Variants in DDX60L observed in about 807,000 individuals in gnomAD.
DDX60L encodes the protein probable ATP-dependent RNA helicase DDX60-like.
Under a neutral mutation model 211.6 loss-of-function variants are expected in DDX60L, and 191 were observed. The ratio of observed to expected loss-of-function variants is 0.90; its 90% CI spans 0.80 to 1.02. The LOEUF is 1.02. DDX60L is among the 50% of genes least tolerant of loss of function. The pLI is 0.00. For synonymous variants in DDX60L, 706 were observed against 694.1 expected (o/e 1.02, Z -0.27); for missense variants, 2,007 against 1,984.1 (o/e 1.01, Z -0.22).
chr4:168,386,887 A>C (rs1743986048), intron 29 of DDX60L, among the ~76,000 whole-genome samples: 1 of 152,254 alleles, frequency 6.6e-6, no homozygotes, highest in Non-Finnish European at 1.5e-5. Flanking sequence ...TGAGCATAAG[A>C]ATATACATAT....
chr4:168,389,430 A>G (rs1237024490), intron 29 of DDX60L, among the ~76,000 whole-genome samples: 1 of 152,232 alleles, frequency 6.6e-6, no homozygotes, highest in African/African-American at 2.4e-5. Flanking sequence ...TAAAATACAT[A>G]GTTCAGGGGT....
intron 27 of DDX60L, 51 bp downstream of exon 27, chr4:168,395,908 T>A: frequency 8.1e-7 from 1 of 1,232,610 alleles, no homozygotes; most frequent in Non-Finnish European, 1.2e-6. Flanking sequence ...ACGATCACTA[T>A]GATAAAATGT....
chr4:168,452,791 C>T (rs936955436), intron 8 of DDX60L, among the ~76,000 whole-genome samples: 5 of 152,024 alleles, frequency 3.3e-5, no homozygotes, highest in Non-Finnish European at 5.9e-5. Context: ...CTTTAATACA[C>T]TTTTATTAAA....
chr4:168,365,610 T>C (rs1010954976), intron 36 of DDX60L, among the ~76,000 whole-genome samples: 1 of 151,572 alleles, frequency 6.6e-6, no homozygotes, highest in African/African-American at 2.4e-5. Flanking sequence ...AGAAGACTAA[T>C]ACCAATCCTC....
At chr4:168,458,520 C>T (rs1036550950) in intron 5 of DDX60L, among the ~76,000 whole-genome samples, 1 of 152,066 alleles carries the variant, frequency 6.6e-6, no homozygotes, top group African/African-American at 2.4e-5. Flanking sequence ...GGATGGAGCT[C>T]GAAGCCATTA....
chr4:168,386,643 A>C (rs10866264), intron 29 of DDX60L, among the ~76,000 whole-genome samples: 112,334 of 150,748 alleles, frequency 0.75, 43,210 homozygotes, highest in East Asian at 0.87. Flanking sequence ...GCCACAATCC[A>C]ACAACTGAGA....
intron 29 of DDX60L, chr4:168,390,444 A>T: frequency 1.5e-6 from 2 of 1,337,040 alleles, no homozygotes; most frequent in Non-Finnish European, 1.9e-6. Context: ...AAACAGCAAC[A>T]TCCTAAAAGG....
chr4:168,363,717 AAAG>A (rs1739473326), intron 36 of DDX60L, among the ~76,000 whole-genome samples: 1 of 152,184 alleles, frequency 6.6e-6, no homozygotes, highest in African/African-American at 2.4e-5. Flanking sequence ...AAATGAGAAA[AAAG>A]AAGAAAATAA....
rs573226413 is a variant in DDX60L at position 168,418,760 on chromosome 4, C to T, written c.2610+542G>A. On this transcript the variant is annotated intron_variant, in intron 19 of 37. Coordinates refer to ENST00000682922, the MANE Select transcript of DDX60L (RefSeq NM_001012967.3). ...CTTCCAGATCTACACCATTCGCCAC[C>T]TTCCTCTCTGGCCAATGAGTCTGAC... Among the ~76,000 whole-genome samples the T allele has an allele frequency of 3.9e-4, 60 of 152,344 alleles. No homozygotes were observed. In the South Asian group the frequency reaches 9.5e-3, roughly 24 times the overall value.
chr4:168,374,007 A>G (rs907252574), intron 34 of DDX60L, among the ~76,000 whole-genome samples, 199 bp from the exon 35 acceptor site: 1 of 152,124 alleles, frequency 6.6e-6, no homozygotes, highest in Non-Finnish European at 1.5e-5. Flanking sequence ...TTAACTTATT[A>G]TCATTACTCT....
chr4:168,391,648 G>GT lies in DDX60L; in HGVS notation c.3811-5_3811-4insA. The GT allele has an allele frequency of 2.2e-6, 3 of 1,376,006 alleles. No individual in the cohort carries two copies. Among genetic ancestry groups the GT allele is most frequent in the African/African-American group, 3.2e-5 (2 of 63,352 alleles). The allele number at this position is 1,376,006 out of a possible 1,614,324, so 85.2% of individuals were successfully genotyped here. The stretch of plus-strand genomic sequence containing the variant: ...GTGTTTCAGTAGCTGTCACTACCTA[G>GT]GAAAAAAAAAAAAAAACAGTCAATA... On this transcript the variant is annotated splice_region_variant and splice_polypyrimidine_tract_variant and intron_variant, in intron 28 of 37. Coordinates refer to ENST00000682922, the MANE Select transcript of DDX60L (RefSeq NM_001012967.3).
At chr4:168,416,976 T>C (rs6848102) in intron 19 of DDX60L, among the ~76,000 whole-genome samples, 179 bp from the exon 20 acceptor site, 30,639 of 152,028 alleles carry the variant, frequency 0.2, 3,591 homozygotes, top group African/African-American at 0.33. Context: ...CCAATCTCCA[T>C]ATCGAAACCA....
At chr4:168,407,563 T>A (rs925483871) in intron 22 of DDX60L, among the ~76,000 whole-genome samples, 3 of 152,206 alleles carry the variant, frequency 2.0e-5, no homozygotes, top group Non-Finnish European at 4.4e-5. Context: ...TAACCAAGTA[T>A]CTTTATGTCA....
chr4:168,419,105 C>T (rs1750046925), intron 19 of DDX60L, among the ~76,000 whole-genome samples, 197 bp downstream of exon 19: 1 of 152,204 alleles, frequency 6.6e-6, no homozygotes, highest in East Asian at 1.9e-4. Flanking sequence ...CTTGTACAAA[C>T]CTTTGTAAAC....
At chr4:168,438,150 G>A (rs1753326013) in intron 10 of DDX60L, among the ~76,000 whole-genome samples, 3 of 152,166 alleles carry the variant, frequency 2.0e-5, no homozygotes, top group Admixed American at 1.3e-4. Context: ...TGGGATTACA[G>A]GCCTGAGACA....
chr4:168,465,849 G>C (rs1423498066), intron 4 of DDX60L, among the ~76,000 whole-genome samples: 1 of 151,956 alleles, frequency 6.6e-6, no homozygotes, highest in Non-Finnish European at 1.5e-5. Flanking sequence ...TGTTCCACTG[G>C]TCCAACTGTG....
rs750733742 is a variant in DDX60L at position 168,430,520 on chromosome 4, C to A, written c.1635G>T (p.Arg545=). 3 of 1,609,404 alleles carry A rather than the reference C, an allele frequency of 1.9e-6. No homozygotes were observed. Among genetic ancestry groups the A allele is most frequent in the Non-Finnish European group, 2.5e-6 (3 of 1,178,148 alleles). ...TGGCACCACTGGAATCCTCCTTTGG[C>A]CGAGTAGTTTGAGTCACAATGACTT... is the stretch of plus-strand genomic sequence containing the variant. ...STKVIVTQTT[R]PKEDSSGASG... The change falls in exon 13 of 38, where the codon CGG becomes CGT. Residue 545 remains arginine (R), a synonymous_variant. Transcript: ENST00000682922.
intron 20 of DDX60L, among the ~76,000 whole-genome samples, chr4:168,416,473 A>G (rs1217796108): frequency 6.6e-6 from 1 of 152,130 alleles, no homozygotes; most frequent in Non-Finnish European, 1.5e-5. Flanking sequence ...GGTCCCAGCT[A>G]CTCAGGAGGC....
chr4:168,435,659 C>G (rs768235586), intron 10 of DDX60L, among the ~76,000 whole-genome samples: 1 of 152,172 alleles, frequency 6.6e-6, no homozygotes, highest in Non-Finnish European at 1.5e-5. Context: ...GAGCTATTTA[C>G]TTTCAGCTGG....
Sources: gnomAD v4.1 joint callset for allele counts (sites outside exome capture counted in the v4.1 genomes callset) on GRCh38, gnomAD v4.1.1 for gene constraint, MANE v1.5 for transcripts, NCBI Gene and HGNC (gene_info 2026-07-23, HGNC 2026-07-21) for gene names.